Variants in ASTN1 observed in about 807,000 individuals in gnomAD.
ASTN1 encodes the protein astrotactin 1, also known as astrotactin-1.
A neutral mutation model predicts 140.7 loss-of-function variants in ASTN1; 41 were observed. The observed-to-expected ratio is 0.29, with a 90% CI of 0.23 to 0.38. ASTN1 has a LOEUF of 0.38. ASTN1 is among the 10% of genes least tolerant of loss of function. ASTN1 has a pLI of 1.00. For synonymous variants in ASTN1, 640 were observed against 652.2 expected, an observed-to-expected ratio of 0.98 and a Z score of 0.29; for missense variants, 1,479 against 1,678.8, an observed-to-expected ratio of 0.88 and a Z score of 2.08.
intron 1 of ASTN1, among the ~76,000 whole-genome samples, chr1:177,089,994 T>C (rs767927235): frequency 6.6e-6 from 1 of 151,782 alleles, no homozygotes; most frequent in Non-Finnish European, 1.5e-5. Flanking sequence ...AACCTACATG[T>C]ACACACATGT....
intron 1 of ASTN1, among the ~76,000 whole-genome samples, chr1:177,114,863 A>G (rs534505319): frequency 6.6e-6 from 1 of 152,306 alleles, no homozygotes; most frequent in East Asian, 1.9e-4. Context: ...GTTGCATTTC[A>G]TCAATGATGA....
At chr1:177,098,639 G>A (rs373307434) in intron 1 of ASTN1, among the ~76,000 whole-genome samples, 4 of 152,062 alleles carry the variant, frequency 2.6e-5, no homozygotes, top group Admixed American at 6.6e-5. Flanking sequence ...AAGAAAAAAC[G>A]AAGGGGAAAC....
intron 1 of ASTN1, among the ~76,000 whole-genome samples, chr1:177,157,404 T>C (rs1258499654): frequency 6.6e-6 from 1 of 152,104 alleles, no homozygotes; most frequent in African/African-American, 2.4e-5. Flanking sequence ...CAACTCCGCC[T>C]CCTGGGCTCA....
chr1:176,961,559 T>C (rs1236849778), intron 9 of ASTN1, among the ~76,000 whole-genome samples: 1 of 152,200 alleles, frequency 6.6e-6, no homozygotes, highest in Non-Finnish European at 1.5e-5. Context: ...TTAAGGCTAG[T>C]AACCTCTCCA....
chr1:176,900,543 C>G (rs1669723347), intron 16 of ASTN1, among the ~76,000 whole-genome samples: 1 of 152,178 alleles, frequency 6.6e-6, no homozygotes, highest in Non-Finnish European at 1.5e-5. Flanking sequence ...TTCTCTTGCT[C>G]CATGCCCACG....
At position 176,863,975 on chromosome 1, in the gene ASTN1, T is replaced by C; in HGVS notation, c.*309A>G. ...GGAGCACGGCAGAGCTCTTGAGCAT[T>C]TTGGTAAACTTCTCAGGGAAAAAAA... On this transcript the variant is annotated 3_prime_UTR_variant, in exon 23 of 23. Coordinates refer to ENST00000361833, the MANE Select transcript of ASTN1 (RefSeq NM_004319.3). 1 of 1,136,676 alleles carries C rather than the reference T, an allele frequency of 8.8e-7. No homozygotes were observed. The highest frequency in any genetic ancestry group is 2.3e-5 in the South Asian group (1 of 43,482). The allele number at this position is 1,136,676 out of a possible 1,614,324, so 70.4% of individuals were successfully genotyped here.
intron 1 of ASTN1, among the ~76,000 whole-genome samples, chr1:177,092,345 A>G (rs1253559816): frequency 6.6e-6 from 1 of 152,106 alleles, no homozygotes; most frequent in Non-Finnish European, 1.5e-5. Context: ...GCTTAACTAG[A>G]ATACTTGTCT....
intron 1 of ASTN1, among the ~76,000 whole-genome samples, chr1:177,127,480 C>T (rs1037210967): frequency 2.0e-5 from 3 of 152,204 alleles, no homozygotes; most frequent in Non-Finnish European, 4.4e-5. Context: ...AACTGAGCAG[C>T]TACCATACAC....
At chr1:177,124,837 C>A (rs996367738) in intron 1 of ASTN1, among the ~76,000 whole-genome samples, 4 of 152,172 alleles carry the variant, frequency 2.6e-5, no homozygotes, top group African/African-American at 9.7e-5. Flanking sequence ...CTTTCATTAT[C>A]CAAATGCAAA....
intron 20 of ASTN1, among the ~76,000 whole-genome samples, chr1:176,877,672 C>G (rs983007490): frequency 2.6e-5 from 4 of 152,184 alleles, no homozygotes; most frequent in Non-Finnish European, 5.9e-5. Flanking sequence ...GGTGTCTGTG[C>G]CAAGGGCCTC....
intron 2 of ASTN1, among the ~76,000 whole-genome samples, chr1:177,048,543 T>C (rs1259459665): frequency 6.6e-6 from 1 of 152,228 alleles, no homozygotes; most frequent in African/African-American, 2.4e-5. Context: ...AGAATCACTC[T>C]GCCTCCGGCT....
At chr1:176,993,609 C>A (rs1442905293) in intron 8 of ASTN1, among the ~76,000 whole-genome samples, 4 of 152,166 alleles carry the variant, frequency 2.6e-5, no homozygotes, top group African/African-American at 9.7e-5. Context: ...CTAATAGACA[C>A]TTGAGTCACC....
intron 7 of ASTN1, among the ~76,000 whole-genome samples, chr1:177,020,454 C>T (rs986134053): frequency 1.8e-4 from 28 of 152,274 alleles, no homozygotes; most frequent in Admixed American, 4.6e-4. Context: ...TATTCAAAGT[C>T]TGTAATGGCT....
intron 1 of ASTN1, among the ~76,000 whole-genome samples, chr1:177,081,818 A>G (rs1480141833): frequency 6.6e-6 from 1 of 152,208 alleles, no homozygotes; most frequent in African/African-American, 2.4e-5. Flanking sequence ...TGCTTTTAGA[A>G]AGATGGCTGA....
chr1:177,074,267 C>T (rs1392909900), intron 1 of ASTN1, among the ~76,000 whole-genome samples: 1 of 152,170 alleles, frequency 6.6e-6, no homozygotes, highest in Non-Finnish European at 1.5e-5. Context: ...TCTCCATTGA[C>T]TTGACTTTTT....
chr1:177,015,824 G>A (rs186319597), intron 7 of ASTN1, among the ~76,000 whole-genome samples: 1 of 152,242 alleles, frequency 6.6e-6, no homozygotes, highest in East Asian at 1.9e-4. Context: ...GCTTCATTAT[G>A]TTAATAATTC....
chr1:176,874,533 G>A lies in ASTN1; in HGVS notation c.3463+2004C>T, dbSNP rs1466963925. Among the ~76,000 whole-genome samples the A allele has an allele frequency of 3.3e-5, 5 of 152,294 alleles. No homozygotes were observed. The South Asian group carries it at 8.3e-4, about 25-fold the overall frequency. ...ACAAGTGTGAGTGCTGGTTCTGCCAGATGCTTTGTGATCTTTATCACTTTA... is the reference window on the plus strand; with the variant it reads ...ACAAGTGTGAGTGCTGGTTCTGCCAAATGCTTTGTGATCTTTATCACTTTA... On this transcript the variant is annotated intron_variant, in intron 21 of 22. Coordinates refer to ENST00000361833, the MANE Select transcript of ASTN1 (RefSeq NM_004319.3).
intron 1 of ASTN1, among the ~76,000 whole-genome samples, chr1:177,080,391 C>A (rs762910274): frequency 1.1e-4 from 16 of 152,022 alleles, no homozygotes; most frequent in Non-Finnish European, 2.1e-4. Flanking sequence ...GTCCTTTAGA[C>A]CAATACTAGT....
At chr1:177,102,054 C>G (rs1192484312) in intron 1 of ASTN1, among the ~76,000 whole-genome samples, 2 of 152,186 alleles carry the variant, frequency 1.3e-5, no homozygotes, top group Non-Finnish European at 2.9e-5. Context: ...TCTGCAGTAT[C>G]TGAAATGGGT....
Sources: gnomAD v4.1 joint callset for allele counts (sites outside exome capture counted in the v4.1 genomes callset) on GRCh38, gnomAD v4.1.1 for gene constraint, MANE v1.5 for transcripts, NCBI Gene and HGNC (gene_info 2026-07-23, HGNC 2026-07-21) for gene names.